ATP2B3: variants seen among roughly 807,000 people sequenced by gnomAD.
ATP2B3 encodes ATPase plasma membrane Ca2+ transporting 3.
ATP2B3 carries 12 observed loss-of-function variants against 70.8 expected under a neutral mutation model. The ratio of observed to expected loss-of-function variants is 0.17; its 90% CI spans 0.11 to 0.27. The LOEUF is 0.27. Ranked by LOEUF, ATP2B3 falls within the 10% of genes least tolerant of loss-of-function variation. The pLI is 1.00. For synonymous variants in ATP2B3, 460 were observed against 497.8 expected, an observed-to-expected ratio of 0.92 and a Z score of 1.01; for missense variants, 858 against 1,118.5, an observed-to-expected ratio of 0.77 and a Z score of 3.32.
Position 153,550,711 on chromosome X carries a change from G to A in ATP2B3, c.1823+425G>A, listed in dbSNP as rs993007560. Among the ~76,000 whole-genome samples the A allele has an allele frequency of 5.3e-4, 59 of 110,584 alleles. No homozygotes were observed. In the Admixed American group the frequency reaches 5.4e-3, roughly 10 times the overall value. ...TTTTTCCCTCAAGCCATCCTCCTAC[G>A]TCAGTGTCCCCCGTAGCTGGGATTA... On this transcript the variant is annotated intron_variant, in intron 12 of 21. Transcript: ENST00000263519.
intron 16 of ATP2B3, 38 bp from the exon 17 acceptor site, chrX:153,558,074 A>C (rs781929812): frequency 1.7e-6 from 2 of 1,165,410 alleles, no homozygotes; most frequent in Non-Finnish European, 2.3e-6. Context: ...AGGGGCCCCC[A>C]CAAACACTCT....
intron 2 of ATP2B3, among the ~76,000 whole-genome samples, chrX:153,529,656 A>G (rs781854081): frequency 6.8e-4 from 76 of 112,273 alleles, no homozygotes; most frequent in African/African-American, 2.0e-3. Flanking sequence ...CATCACCACC[A>G]TCCAGCCGCA....
At chrX:153,563,058 A>C (rs926691302) in intron 20 of ATP2B3, among the ~76,000 whole-genome samples, 3 of 109,316 alleles carry the variant, frequency 2.7e-5, no homozygotes, top group Non-Finnish European at 3.8e-5. Context: ...CCTTACTCCA[A>C]ATCCAGCCAC....
At position 153,559,737 on chromosome X, in the gene ATP2B3, T is replaced by C. The variant is rs2090595757; in HGVS notation, c.2634T>C (p.Pro878=). 9 of 1,210,656 alleles carry C rather than the reference T, an allele frequency of 7.4e-6. No homozygotes were observed. The highest frequency in any genetic ancestry group is 1.0e-5 in the Non-Finnish European group (9 of 895,225). ...CTGCCTCCTCTCCATAGGACTCTCC[T>C]CTCAAAGCCGTGCAGATGTTGTGGG... The part of the protein sequence containing the change: ...FTGACITQDS[P]LKAVQMLWVN... The change falls in exon 18 of 22, where the codon CCT becomes CCC. Residue 878 remains proline (P), a synonymous_variant. Transcript: ENST00000263519.
At chrX:153,557,875 G>A (rs1449063291) in intron 16 of ATP2B3, among the ~76,000 whole-genome samples, 6 of 84,841 alleles carry the variant, frequency 7.1e-5, no homozygotes, top group Non-Finnish European at 1.2e-4. Flanking sequence ...CTGTGTTTAT[G>A]AGCAAAGCCC....
chrX:153,522,966 A>G (rs2089979485), intron 2 of ATP2B3, among the ~76,000 whole-genome samples: 1 of 111,374 alleles, frequency 9.0e-6, no homozygotes, highest in Admixed American at 9.5e-5. Context: ...TAGGAAACGT[A>G]TAAAACACAG....
Position 153,581,208 on chromosome X carries a change from AAGG to A in ATP2B3, c.*913_*915del, listed in dbSNP as rs1275631627. The A allele has an allele frequency of 9.1e-6, 1 of 109,564 alleles. No individual in the cohort carries two copies. Among genetic ancestry groups the A allele is most frequent in the East Asian group, 2.9e-4 (1 of 3,481 alleles). 9.0% of individuals were successfully genotyped at this position (109,564 alleles called of 1,213,427 possible). A position where few individuals can be genotyped will look rare whatever the true frequency, so the allele number is the denominator to read the frequency against. The stretch of plus-strand genomic sequence containing the variant: ...TCTGCCCGGCCCTACTGAGATTCCC[AAGG>A]AGAAGGCCGAGAGGGGGCGCTCCAG... On this transcript the variant is annotated 3_prime_UTR_variant, in exon 22 of 22. Transcript: ENST00000263519.
At chrX:153,562,006 C>A in intron 19 of ATP2B3, 129 bp from the exon 20 acceptor site, 1 of 592,757 alleles carries the variant, frequency 1.7e-6, no homozygotes, top group Non-Finnish European at 2.9e-6. Flanking sequence ...GCCTTGTGGT[C>A]CTCTCGCAAG....
chrX:153,535,507 G>A (rs1603037626), intron 2 of ATP2B3, among the ~76,000 whole-genome samples: 1 of 95,663 alleles, frequency 1.0e-5, no homozygotes, highest in Admixed American at 1.2e-4. Context: ...TTTCCGTCTT[G>A]TCCCTCTCTC....
At chrX:153,521,198 T>C (rs781860694) in intron 2 of ATP2B3, among the ~76,000 whole-genome samples, 2 of 112,927 alleles carry the variant, frequency 1.8e-5, no homozygotes, top group South Asian at 7.2e-4. Flanking sequence ...GCTCCTCCCT[T>C]CCCCACCCTG....
rs112690479 is a variant in ATP2B3, at chrX:153,534,451, T to C, written c.-126-1671T>C. Reference sequence around the variant, plus strand: ...TCCTCAGCTTTCACTCCTTCTAGTCTTTTCCCCCCAATGCCTGTCCCCAGA... The same window carrying C: ...TCCTCAGCTTTCACTCCTTCTAGTCCTTTCCCCCCAATGCCTGTCCCCAGA... On this transcript the variant is annotated intron_variant, in intron 2 of 21. Coordinates refer to ENST00000263519, the MANE Select transcript of ATP2B3 (RefSeq NM_001001344.3). Among the ~76,000 whole-genome samples the C allele has an allele frequency of 3.9e-3, 364 of 92,627 alleles. 1 individual carries two copies. The highest frequency in any genetic ancestry group is 0.02 in the African/African-American group (340 of 17,172). The allele number at this position is 92,627 out of a possible 115,157, so 80.4% of individuals were successfully genotyped here.
chrX:153,579,866 T>C (rs1557022214), intron 21 of ATP2B3, 112 bp from the exon 22 acceptor site: 19 of 708,209 alleles, frequency 2.7e-5, no homozygotes. Context: ...AGCCGGCCAC[T>C]GACTGTCTCC....
At position 153,536,131 on chromosome X, in the gene ATP2B3, C is replaced by A; in HGVS notation, c.-117C>A. 1.2e-6 allele frequency: 1 copy of A among 848,835 alleles called. No individual in the cohort carries two copies. The highest frequency in any genetic ancestry group is 1.7e-6 in the Non-Finnish European group (1 of 584,123). The allele number at this position is 848,835 out of a possible 1,213,427, so 70.0% of individuals were successfully genotyped here. A position where few individuals can be genotyped will look rare whatever the true frequency, so the allele number is the denominator to read the frequency against. ...GCCTCCATCTCCCCAGGTGTCCACG[C>A]TTAGCAGCTTTCTCACCGCCGCCAA... On this transcript the variant is annotated 5_prime_UTR_variant, in exon 3 of 22. Coordinates refer to ENST00000263519, the MANE Select transcript of ATP2B3 (RefSeq NM_001001344.3).
At position 153,558,250 on chromosome X, in the gene ATP2B3, A is replaced by G; in HGVS notation, c.2572A>G (p.Thr858Ala). 8.3e-7 allele frequency: 1 copy of G among 1,211,888 alleles called. No individual in the cohort carries two copies. ...SISKFLQFQLTVNVVAVIVAF... is the reference protein window; with the variant it reads ...SISKFLQFQLAVNVVAVIVAF... ...CTCCAAGTTCCTGCAGTTTCAACTG[A>G]CGGTCAATGTGGTGGCTGTGATCGT... Residue 858 changes from threonine to alanine, a missense_variant, in exon 17 of 22, where the codon ACG (threonine) becomes GCG (alanine). Transcript: ENST00000263519.
rs1179637244 is a variant in ATP2B3 at position 153,545,093 on chromosome X, G to T, written c.917-995G>T. 3.9e-4 allele frequency among the ~76,000 whole-genome samples: 5 copies of T among 12,690 alleles called. No homozygotes were observed. In the Admixed American group the frequency reaches 4.4e-3, roughly 11 times the overall value. 11.0% of individuals were successfully genotyped at this position (12,690 alleles called of 115,157 possible). ...GCCCCACCCCTGGCTGAGTAGGGTC[G>T]GGGGGGGGGCCCTCCCTGCTCCCTG... On this transcript the variant is annotated intron_variant, in intron 7 of 21. Coordinates refer to ENST00000263519, the MANE Select transcript of ATP2B3 (RefSeq NM_001001344.3).
In ATP2B3 at chrX:153,580,586, G is replaced by A. The variant is rs1163854872; in HGVS notation, c.*288G>A. On this transcript the variant is annotated 3_prime_UTR_variant, in exon 22 of 22. Coordinates refer to ENST00000263519, the MANE Select transcript of ATP2B3 (RefSeq NM_001001344.3). ...GGGAGGAGAAGGTTCTTCGTCCAAA[G>A]GAGGAAGGAGAAGAAGTAGAAAGTG... The A allele has an allele frequency of 9.9e-6, 3 of 302,062 alleles. No homozygotes were observed. Among genetic ancestry groups the A allele is most frequent in the African/African-American group, 7.9e-5 (3 of 38,140 alleles). The allele number at this position is 302,062 out of a possible 1,213,427, so 24.9% of individuals were successfully genotyped here.
chrX:153,577,924 C>T (rs1557021723), intron 21 of ATP2B3, among the ~76,000 whole-genome samples: 1 of 111,889 alleles, frequency 8.9e-6, no homozygotes, highest in African/African-American at 3.3e-5. Context: ...CTGGCCCTGG[C>T]TCACTTTTTG....
intron 20 of ATP2B3, among the ~76,000 whole-genome samples, chrX:153,563,888 T>C (rs2090662970): frequency 8.9e-6 from 1 of 112,724 alleles, no homozygotes; most frequent in Admixed American, 9.3e-5. Context: ...TCAAGTCCCC[T>C]CCTGGCCATG....
rs1033326543 is a variant in ATP2B3 at position 153,549,798 on chromosome X, G to T, written c.1581+59G>T. On this transcript the variant is annotated intron_variant, in intron 11 of 21. Coordinates refer to ENST00000263519, the MANE Select transcript of ATP2B3 (RefSeq NM_001001344.3). Reference sequence around the variant, plus strand: ...GGGGCAGGAGCAGGGGAGGGTCCTGGCCAGGGTGCCAGGTGAGCTGTTGCA... The same window carrying T: ...GGGGCAGGAGCAGGGGAGGGTCCTGTCCAGGGTGCCAGGTGAGCTGTTGCA... 8.7e-6 allele frequency: 10 copies of T among 1,151,580 alleles called. No individual in the cohort carries two copies. In the African/African-American group the frequency reaches 1.8e-4, roughly 20 times the overall value. 94.9% of individuals were successfully genotyped at this position (1,151,580 alleles called of 1,213,427 possible). A position where few individuals can be genotyped will look rare whatever the true frequency, so the allele number is the denominator to read the frequency against.
Sources: gnomAD v4.1 joint callset for allele counts (sites outside exome capture counted in the v4.1 genomes callset) on GRCh38, gnomAD v4.1.1 for gene constraint, MANE v1.5 for transcripts, NCBI Gene and HGNC (gene_info 2026-07-23, HGNC 2026-07-21) for gene names.